The following MAGI3 variants were observed in gnomAD, a reference collection of about 807,000 sequenced individuals.
MAGI3 encodes the protein membrane associated guanylate kinase, WW and PDZ domain containing 3, also known as membrane-associated guanylate kinase, WW and PDZ domain-containing protein 3.
Under a neutral mutation model 121.8 loss-of-function variants are expected in MAGI3, and 43 were observed. That is an observed-to-expected ratio of 0.35 (90% CI 0.28 to 0.46). The LOEUF (loss-of-function observed/expected upper bound fraction) is 0.46. Among genes scored for constraint, MAGI3 ranks in the 20% least tolerant of loss-of-function variants. The pLI is 1.00. For missense variants in MAGI3, 1,547 were observed against 1,797.3 expected (o/e 0.86, Z 2.52); for synonymous variants, 553 against 639.3 (o/e 0.86, Z 2.04).
At chr1:113,430,562 G>A (rs1653251516) in intron 1 of MAGI3, among the ~76,000 whole-genome samples, 1 of 152,146 alleles carries the variant, frequency 6.6e-6, no homozygotes, top group Middle Eastern at 3.2e-3. Context: ...CATGATGCAT[G>A]ATATATGACT....
At chr1:113,549,348 C>T (rs1365189852) in intron 1 of MAGI3, among the ~76,000 whole-genome samples, 167 bp from the exon 2 acceptor site, 1 of 152,090 alleles carries the variant, frequency 6.6e-6, no homozygotes, top group East Asian at 1.9e-4. Flanking sequence ...AATTATAGTA[C>T]CTATAAATAA....
At chr1:113,476,384 CTGCTTTAAATG>C (rs1209407302) in intron 1 of MAGI3, among the ~76,000 whole-genome samples, 1 of 152,228 alleles carries the variant, frequency 6.6e-6, no homozygotes, top group African/African-American at 2.4e-5. Flanking sequence ...CCTCTACACA[CTGCTTTAAATG>C]TGTCCCAGAG....
intron 6 of MAGI3, among the ~76,000 whole-genome samples, chr1:113,601,736 G>T (rs1310588363): frequency 1.4e-5 from 2 of 144,020 alleles, no homozygotes; most frequent in Non-Finnish European, 3.0e-5. Context: ...ATACCCAAAG[G>T]ACTATAAATC....
At chr1:113,487,294 G>A (rs1656427331) in intron 1 of MAGI3, among the ~76,000 whole-genome samples, 2 of 152,160 alleles carry the variant, frequency 1.3e-5, no homozygotes, top group African/African-American at 4.8e-5. Context: ...AACTTGGCTG[G>A]GTGGTAAGAA....
In MAGI3 at chr1:113,622,815, A is replaced by AAGAG; in HGVS notation, c.1182_1183insGAGA (p.Ser395GlufsTer12). 6.4e-7 allele frequency: 1 copy of AAGAG among 1,572,684 alleles called. No individual in the cohort carries two copies. Among genetic ancestry groups the AAGAG allele is most frequent in the East Asian group, 2.3e-5 (1 of 42,626 alleles). On this transcript the variant is annotated frameshift_variant, in exon 9 of 21. Transcript: ENST00000307546. LOFTEE classifies it high-confidence loss of function. Reference sequence around the variant, plus strand: ...TCTCATTTTGGCACAGATATGGAAAAATCACACTTCACAAGAGATCCATCC... The same window carrying AAGAG: ...TCTCATTTTGGCACAGATATGGAAAAAGAGATCACACTTCACAAGAGATCCATCC...
At chr1:113,656,782 A>G (rs1449641904) in intron 15 of MAGI3, among the ~76,000 whole-genome samples, 1 of 152,150 alleles carries the variant, frequency 6.6e-6, no homozygotes, top group Non-Finnish European at 1.5e-5. Flanking sequence ...AAGAGTTCCT[A>G]GTAGCATCTG....
At chr1:113,416,133 A>G (rs1652318120) in intron 1 of MAGI3, among the ~76,000 whole-genome samples, 1 of 142,234 alleles carries the variant, frequency 7.0e-6, no homozygotes, top group Non-Finnish European at 1.5e-5. Context: ...TTAATGACAC[A>G]TATTAATTAT....
chr1:113,628,110 C>T (rs1651354018), intron 9 of MAGI3, among the ~76,000 whole-genome samples: 1 of 152,016 alleles, frequency 6.6e-6, no homozygotes, highest in Admixed American at 6.6e-5. Context: ...TATTTCCTTC[C>T]TTCCTTTTAG....
chr1:113,436,017 T>A (rs968303092), intron 1 of MAGI3, among the ~76,000 whole-genome samples: 1 of 150,686 alleles, frequency 6.6e-6, no homozygotes, highest in Non-Finnish European at 1.5e-5. Flanking sequence ...TTAGAAATAA[T>A]GATTATTGAA....
intron 1 of MAGI3, among the ~76,000 whole-genome samples, chr1:113,479,352 C>A (rs921281429): frequency 2.0e-5 from 3 of 152,166 alleles, no homozygotes; most frequent in Non-Finnish European, 4.4e-5. Context: ...GAGCTGCAGA[C>A]CAGAGCTGTT....
At chr1:113,611,088 C>CT (rs139111390) in intron 6 of MAGI3, among the ~76,000 whole-genome samples, 16,164 of 137,142 alleles carry the variant, frequency 0.12, 1,061 homozygotes, top group East Asian at 0.2. Context: ...CATAATTATT[C>CT]TTTTTTTTTT....
chr1:113,511,937 G>A (rs1452212862), intron 1 of MAGI3, among the ~76,000 whole-genome samples: 1 of 152,146 alleles, frequency 6.6e-6, no homozygotes, highest in Non-Finnish European at 1.5e-5. Flanking sequence ...CAGCATTATT[G>A]TGATTATGAT....
rs568356176 is a variant in MAGI3 at position 113,396,187 on chromosome 1, T to G, written c.316+4838T>G. On this transcript the variant is annotated intron_variant, in intron 1 of 20. Transcript: ENST00000307546. Reference sequence around the variant, plus strand: ...TAACCCCTAAGTGCTTTGTAATTTTTGGGGGGACTTAGTGTTTTGGGAGTA... The same window carrying G: ...TAACCCCTAAGTGCTTTGTAATTTTGGGGGGGACTTAGTGTTTTGGGAGTA... Among the ~76,000 whole-genome samples the G allele has an allele frequency of 3.9e-5, 6 of 152,120 alleles. No homozygotes were observed. The South Asian group carries it at 6.2e-4, about 16-fold the overall frequency.
intron 1 of MAGI3, among the ~76,000 whole-genome samples, chr1:113,402,915 T>C (rs1326454076): frequency 6.6e-6 from 1 of 152,088 alleles, no homozygotes; most frequent in Admixed American, 6.6e-5. Flanking sequence ...GTTTGTTAGG[T>C]AGACTAATGG....
intron 1 of MAGI3, among the ~76,000 whole-genome samples, chr1:113,509,976 GTCTCA>G: frequency 6.6e-6 from 1 of 152,102 alleles, no homozygotes; most frequent in African/African-American, 2.4e-5. Flanking sequence ...CAGAGCATCC[GTCTCA>G]TCGGATGGAC....
intron 2 of MAGI3, among the ~76,000 whole-genome samples, chr1:113,572,155 G>A (rs1299282840): frequency 1.3e-5 from 2 of 152,300 alleles, no homozygotes; most frequent in African/African-American, 2.4e-5. Context: ...AGATAATCAT[G>A]TGGTTTTTGT....
intron 19 of MAGI3, among the ~76,000 whole-genome samples, chr1:113,675,801 C>T (rs78871234): frequency 6.6e-6 from 1 of 152,300 alleles, no homozygotes; most frequent in Non-Finnish European, 1.5e-5. Context: ...ACTGCTGAAT[C>T]TACTTTCTTA....
chr1:113,599,615 G>A (rs2101749423), intron 6 of MAGI3, among the ~76,000 whole-genome samples: 1 of 151,424 alleles, frequency 6.6e-6, no homozygotes, highest in African/African-American at 2.4e-5. Flanking sequence ...GGACCAGATG[G>A]ATTCACAGCC....
At chr1:113,656,795 G>T (rs1653498484) in intron 15 of MAGI3, among the ~76,000 whole-genome samples, 1 of 152,080 alleles carries the variant, frequency 6.6e-6, no homozygotes, top group Non-Finnish European at 1.5e-5. Context: ...AGCATCTGTG[G>T]TACCAGTTAT....
Sources: gnomAD v4.1 joint callset for allele counts (sites outside exome capture counted in the v4.1 genomes callset) on GRCh38, gnomAD v4.1.1 for gene constraint, MANE v1.5 for transcripts, NCBI Gene and HGNC (gene_info 2026-07-23, HGNC 2026-07-21) for gene names.